Variants in FBXO17 observed in about 807,000 individuals in gnomAD.
FBXO17 encodes F-box protein 17, also known as F-box only protein 17.
Under a neutral mutation model 34.1 loss-of-function variants are expected in FBXO17, and 43 were observed. That is an observed-to-expected ratio of 1.26 (90% CI 0.99 to 1.62). The LOEUF is 1.62. Ranked by LOEUF, FBXO17 falls within the 40% of genes most tolerant of loss-of-function variation. FBXO17 has a pLI of 0.00. For missense variants in FBXO17, 424 were observed against 386.7 expected (o/e 1.10, Z -0.81); for synonymous variants, 169 against 166.0 (o/e 1.02, Z -0.14).
intron 1 of FBXO17, among the ~76,000 whole-genome samples, chr19:38,962,067 G>A (rs1405077196): frequency 1.4e-5 from 2 of 140,980 alleles, no homozygotes; most frequent in East Asian, 2.2e-4. Flanking sequence ...TCTAAGCTGC[G>A]AAACTGGAGT....
intron 1 of FBXO17, among the ~76,000 whole-genome samples, chr19:38,968,995 C>G (rs78623875): frequency 0.05 from 7,592 of 151,946 alleles, 239 homozygotes; most frequent in Middle Eastern, 0.079. Flanking sequence ...TCACTAAAAG[C>G]CACAAAGTTG....
Position 38,942,564 on chromosome 19 carries a change from G to A in FBXO17, c.*44C>T. On this transcript the variant is annotated 3_prime_UTR_variant, in exon 6 of 6. Coordinates refer to ENST00000292852, the MANE Select transcript of FBXO17 (RefSeq NM_024907.7). Reference sequence around the variant, plus strand: ...CAGGTGTGAGCCACTGCACCTGGCTGCAAGGCTGGTCTTGACTGACAACGT... The same window carrying A: ...CAGGTGTGAGCCACTGCACCTGGCTACAAGGCTGGTCTTGACTGACAACGT... 6.7e-7 allele frequency: 1 copy of A among 1,492,684 alleles called. No homozygotes were observed. The allele number at this position is 1,492,684 out of a possible 1,614,324, so 92.5% of individuals were successfully genotyped here.
At chr19:38,959,931 C>T (rs1209275986) in intron 1 of FBXO17, among the ~76,000 whole-genome samples, 1 of 151,914 alleles carries the variant, frequency 6.6e-6, no homozygotes, top group African/African-American at 2.4e-5. Context: ...ACCACCACTA[C>T]CAAAACAGAA....
chr19:38,956,506 G>GAGAATTTA, intron 1 of FBXO17, among the ~76,000 whole-genome samples: 5 of 152,156 alleles, frequency 3.3e-5, no homozygotes, highest in African/African-American at 1.2e-4. Flanking sequence ...TAGAATTCAT[G>GAGAATTTA]AGCTGATCCA....
intron 1 of FBXO17, among the ~76,000 whole-genome samples, chr19:38,969,253 A>G (rs1230018495): frequency 6.6e-6 from 1 of 151,842 alleles, no homozygotes; most frequent in African/African-American, 2.4e-5. Flanking sequence ...GTTCAAGACG[A>G]GCCTGGGCAA....
intron 1 of FBXO17, among the ~76,000 whole-genome samples, chr19:38,967,480 T>C (rs1975336259): frequency 6.6e-6 from 1 of 151,634 alleles, no homozygotes; most frequent in Non-Finnish European, 1.5e-5. Flanking sequence ...ACAAAAGATT[T>C]GAGTAGACAT....
chr19:38,952,824 A>ACC, intron 1 of FBXO17: 1 of 456,742 alleles, frequency 2.2e-6, no homozygotes, highest in South Asian at 1.5e-5. Flanking sequence ...CAGAACCTCA[A>ACC]TCTCACACTC....
chr19:38,945,130 GC>G (rs755567016), intron 4 of FBXO17, 26 bp from the exon 5 acceptor site: 5 of 1,612,880 alleles, frequency 3.1e-6, no homozygotes, highest in African/African-American at 1.3e-5. Context: ...CAGCCTCTAT[GC>G]CCCCGTCACC....
At chr19:38,955,929 A>C (rs1975160889) in intron 1 of FBXO17, among the ~76,000 whole-genome samples, 1 of 151,964 alleles carries the variant, frequency 6.6e-6, no homozygotes, top group Non-Finnish European at 1.5e-5. Context: ...ATTTTAAAGC[A>C]CTTAGGAAAA....
intron 3 of FBXO17, among the ~76,000 whole-genome samples, chr19:38,947,842 C>G (rs1487720449): frequency 1.3e-5 from 2 of 151,162 alleles, no homozygotes; most frequent in Non-Finnish European, 2.9e-5. Flanking sequence ...GGGATTACAG[C>G]TATGAGCCAC....
chr19:38,949,775 T>TTCGGATTC (rs1344120393), intron 2 of FBXO17, 196 bp downstream of exon 2: 1 of 673,500 alleles, frequency 1.5e-6, no homozygotes, highest in Non-Finnish European at 2.4e-6. Context: ...CGCCCACTCG[T>TTCGGATTC]TCGGATTCCC....
chr19:38,954,937 AT>A (rs1308481693), intron 1 of FBXO17, among the ~76,000 whole-genome samples: 1 of 93,082 alleles, frequency 1.1e-5, no homozygotes, highest in East Asian at 3.2e-4. Flanking sequence ...TATTATTATT[AT>A]TATTATTTTT....
At position 38,960,102 on chromosome 19, in the gene FBXO17, TAA is replaced by T. The variant is rs377631048; in HGVS notation, c.-17-9768_-17-9767del. ...AAATAGAAGAATCTGTGAAAATGAT[TAA>T]GAGTTAGCTTATAAGTATCTCCTCA... On this transcript the variant is annotated intron_variant, in intron 1 of 5. Coordinates refer to ENST00000292852, the MANE Select transcript of FBXO17 (RefSeq NM_024907.7). Among the ~76,000 whole-genome samples, 44 of 152,260 alleles carry T rather than the reference TAA, an allele frequency of 2.9e-4. No individual in the cohort carries two copies. In the East Asian group the frequency reaches 7.5e-3, roughly 26 times the overall value.
intron 1 of FBXO17, among the ~76,000 whole-genome samples, chr19:38,961,151 G>A (rs1224694550): frequency 6.6e-6 from 1 of 151,950 alleles, no homozygotes; most frequent in Non-Finnish European, 1.5e-5. Flanking sequence ...TATTGAACGG[G>A]TTTTACTAAC....
In FBXO17 at chr19:38,950,049, ACTC is replaced by A. The variant is rs745530017; in HGVS notation, c.268_270del (p.Glu90del). ...TAGCGCGCCAGGGCGCACAGCGGGA[ACTC>A]CTCCTTGTCTTCGTTGCTGGGCAGG... is the stretch of plus-strand genomic sequence containing the variant. On this transcript the variant is annotated inframe_deletion, in exon 2 of 6. Transcript: ENST00000292852. 6.4e-6 allele frequency: 10 copies of A among 1,567,966 alleles called. No individual in the cohort carries two copies. In the South Asian group the frequency reaches 7.0e-5, roughly 11 times the overall value.
At position 38,950,058 on chromosome 19, in the gene FBXO17, T is replaced by C. The variant is rs756079211; in HGVS notation, c.262A>G (p.Lys88Glu). The C allele has an allele frequency of 1.3e-6, 2 of 1,568,672 alleles. No homozygotes were observed. Among genetic ancestry groups the C allele is most frequent in the Admixed American group, 1.9e-5 (1 of 53,644 alleles). The change falls in exon 2 of 6, where the codon AAG becomes GAG. Residue 88 changes from lysine (K) to glutamate (E), a missense_variant. Lys to Glu is a moderately conservative substitution (Grantham distance 56). Coordinates refer to ENST00000292852, the MANE Select transcript of FBXO17 (RefSeq NM_024907.7). ...AQRCLPSNED[K>E]EEFPLCALAR... ...AGGGCGCACAGCGGGAACTCCTCCT[T>C]GTCTTCGTTGCTGGGCAGGCAGCGT... is the stretch of plus-strand genomic sequence containing the variant.
intron 1 of FBXO17, among the ~76,000 whole-genome samples, chr19:38,974,479 TA>T (rs941835801): frequency 1.3e-5 from 2 of 152,148 alleles, no homozygotes; most frequent in African/African-American, 2.4e-5. Context: ...AAATACAAGT[TA>T]AAAAAATTAT....
At chr19:38,970,049 C>A (rs1411051793) in intron 1 of FBXO17, among the ~76,000 whole-genome samples, 2 of 152,010 alleles carry the variant, frequency 1.3e-5, no homozygotes, top group African/African-American at 4.8e-5. Flanking sequence ...TGCCTGTCCA[C>A]TGTAGCACAT....
intron 1 of FBXO17, among the ~76,000 whole-genome samples, chr19:38,961,835 G>A (rs1975254279): frequency 6.6e-6 from 1 of 151,702 alleles, no homozygotes; most frequent in Non-Finnish European, 1.5e-5. Flanking sequence ...GCTAATTTCT[G>A]TATTTTTAGT....
Sources: gnomAD v4.1 joint callset for allele counts (sites outside exome capture counted in the v4.1 genomes callset) on GRCh38, gnomAD v4.1.1 for gene constraint, MANE v1.5 for transcripts, NCBI Gene and HGNC (gene_info 2026-07-23, HGNC 2026-07-21) for gene names.